Variants in DNAH1 observed in about 807,000 individuals in gnomAD.
DNAH1 encodes dynein axonemal heavy chain 1, also known as axonemal beta dynein heavy chain 1.
DNAH1 carries 327 observed loss-of-function variants against 484.3 expected under a neutral mutation model. The ratio of observed to expected loss-of-function variants is 0.68; its 90% CI spans 0.62 to 0.74. The LOEUF (loss-of-function observed/expected upper bound fraction) is 0.74. DNAH1 is among the 30% of genes least tolerant of loss of function. The pLI is 0.00. For missense variants in DNAH1, 5,052 were observed against 5,546.8 expected (o/e 0.91, Z 2.83); for synonymous variants, 2,192 against 2,191.9 (o/e 1.00, Z 0.00).
Position 52,362,973 on chromosome 3 carries a change from A to T in DNAH1, c.5095-22A>T, listed in dbSNP as rs777092794. On this transcript the variant is annotated intron_variant, in intron 31 of 77. Coordinates refer to ENST00000420323, the MANE Select transcript of DNAH1 (RefSeq NM_015512.5). The surrounding 1 kb of genome is among the most constrained non-coding windows in gnomAD (Gnocchi z 5.1). ...TGGGGGTGAGCTCTGTTTGCTGTTC[A>T]CATGTGCACTGTGTGTCCCAGGCGC... The T allele has an allele frequency of 3.3e-5, 53 of 1,613,130 alleles. No homozygotes were observed. The East Asian group carries it at 1.1e-3, about 33-fold the overall frequency.
Position 52,344,348 on chromosome 3 carries a change from C to T in DNAH1, c.1287-142C>T, listed in dbSNP as rs1008915099. ...CACTTGGAGGTTAGTGGCTCAGGGC[C>T]GGGTGGGGGTGTGCCCATGAATCCA... On this transcript the variant is annotated intron_variant, in intron 8 of 77. Coordinates refer to ENST00000420323, the MANE Select transcript of DNAH1 (RefSeq NM_015512.5). The T allele has an allele frequency of 2.4e-5, 24 of 986,038 alleles. No individual in the cohort carries two copies. The African/African-American group carries it at 2.5e-4, about 10-fold the overall frequency. The allele number at this position is 986,038 out of a possible 1,614,324, so 61.1% of individuals were successfully genotyped here.
At chr3:52,352,521 G>A in intron 17 of DNAH1, 31 bp from the exon 18 acceptor site, 1 of 1,594,608 alleles carries the variant, frequency 6.3e-7, no homozygotes, top group Middle Eastern at 1.7e-4. Context: ...GGGCTGCAGG[G>A]GCATCTGACC....
chr3:52,354,899 C>G lies in DNAH1; in HGVS notation c.3537C>G (p.Tyr1179Ter). Residue 1179 changes from tyrosine (Y) to a stop codon, truncating the protein, a stop_gained, in exon 21 of 78, where the codon TAC becomes TAG. Coordinates refer to ENST00000420323, the MANE Select transcript of DNAH1 (RefSeq NM_015512.5). LOFTEE classifies it high-confidence loss of function. Reference sequence around the variant, plus strand: ...CCATCCTGTTCAATGTACTGCCCTACAAGGCGACAGACACCTACATCCTGA... The same window carrying G: ...CCATCCTGTTCAATGTACTGCCCTAGAAGGCGACAGACACCTACATCCTGA... ...WSTILFNVLP[Y>*]KATDTYILKS... The G allele has an allele frequency of 6.2e-7, 1 of 1,614,024 alleles. No homozygotes were observed. The highest frequency in any genetic ancestry group is 1.1e-5 in the South Asian group (1 of 91,086).
At chr3:52,376,111 G>C (rs1424548089) in intron 46 of DNAH1, 118 bp downstream of exon 46, 1 of 1,309,496 alleles carries the variant, frequency 7.6e-7, no homozygotes, top group East Asian at 2.5e-5. Flanking sequence ...GTTCATGCAG[G>C]GACCTTGGGC....
rs1287185405 is a variant in DNAH1, at chr3:52,368,820, G to A, written c.5845G>A (p.Gly1949Arg). 14 of 1,613,900 alleles carry A rather than the reference G, an allele frequency of 8.7e-6. No homozygotes were observed. Among genetic ancestry groups the A allele is most frequent in the Non-Finnish European group, 1.2e-5 (14 of 1,179,908 alleles). The stretch of plus-strand genomic sequence containing the variant: ...CAACAAGAAGTGGTACATGTTCGAT[G>A]GGCCGGTGGATGCCATCTGGATTGA... ...DTNKKWYMFD[G>R]PVDAIWIENM... is the part of the protein sequence containing the mutation. Residue 1949 changes from glycine to arginine, a missense_variant, in exon 37 of 78, where the codon GGG becomes AGG. Coordinates refer to ENST00000420323, the MANE Select transcript of DNAH1 (RefSeq NM_015512.5). The surrounding 1 kb of genome is among the most constrained non-coding windows in gnomAD (Gnocchi z 4.4).
chr3:52,345,403 A>G (rs895858121), intron 9 of DNAH1, 92 bp from the exon 10 acceptor site: 19 of 1,070,960 alleles, frequency 1.8e-5, no homozygotes, highest in Non-Finnish European at 2.5e-5. Context: ...GGCAGGAGTC[A>G]TGGCCCTCCT....
intron 10 of DNAH1, 27 bp downstream of exon 10, chr3:52,345,733 GC>G: frequency 6.3e-7 from 1 of 1,596,628 alleles, no homozygotes; most frequent in Non-Finnish European, 8.5e-7. Context: ...GGCACAGGGG[GC>G]AAACGCAGGG....
In DNAH1 at chr3:52,326,775, C is replaced by T. The variant is rs1301780511; in HGVS notation, c.622C>T (p.Leu208=). ...CCTGAGCCTGGACATTGAGCAGTTGCTGTTCAGCCAGGGCATCGACTCCAA... is the reference window on the plus strand; with the variant it reads ...CCTGAGCCTGGACATTGAGCAGTTGTTGTTCAGCCAGGGCATCGACTCCAA... ...QYLSLDIEQL[L]FSQGIDSNKL... is the part of the protein sequence containing the mutation. The change falls in exon 5 of 78, where the codon CTG becomes TTG. Residue 208 remains leucine (L), a synonymous_variant. Coordinates refer to ENST00000420323, the MANE Select transcript of DNAH1 (RefSeq NM_015512.5). The T allele has an allele frequency of 2.5e-6, 4 of 1,613,828 alleles. No individual in the cohort carries two copies. The highest frequency in any genetic ancestry group is 3.4e-6 in the Non-Finnish European group (4 of 1,179,790).
chr3:52,384,049 G>A lies in DNAH1; in HGVS notation c.8322+18G>A, dbSNP rs1262943141. 2 of 1,581,968 alleles carry A rather than the reference G, an allele frequency of 1.3e-6. No homozygotes were observed. Among genetic ancestry groups the A allele is most frequent in the Non-Finnish European group, 1.7e-6 (2 of 1,162,062 alleles). On this transcript the variant is annotated intron_variant, in intron 52 of 77. Coordinates refer to ENST00000420323, the MANE Select transcript of DNAH1 (RefSeq NM_015512.5). ...AAGGACTGGTGGGTGTCTTGCTGAAGCTCAGGCCCTTGGGGAGACCTGTTT... is the reference window on the plus strand; with the variant it reads ...AAGGACTGGTGGGTGTCTTGCTGAAACTCAGGCCCTTGGGGAGACCTGTTT...
Position 52,331,253 on chromosome 3 carries a change from G to A in DNAH1, c.977G>A (p.Gly326Asp), listed in dbSNP as rs764561677. Reference protein sequence around the residue: ...LYLVHKTDEKGLVRDEMGRPI... With the variant: ...LYLVHKTDEKDLVRDEMGRPI... ...CTGGTACACAAGACAGACGAGAAAGGCCTGGTGCGAGATGAGATGGGGAGG... is the reference window on the plus strand; with the variant it reads ...CTGGTACACAAGACAGACGAGAAAGACCTGGTGCGAGATGAGATGGGGAGG... Residue 326 changes from glycine to aspartate, a missense_variant, in exon 7 of 78, where the codon GGC becomes GAC. Physicochemically the swap from Gly to Asp is moderately conservative, Grantham distance 94. This residue lies in a region of DNAH1 where 1,263 missense variants were observed against 1,218.8 expected (regional missense o/e 1.04). Coordinates refer to ENST00000420323, the MANE Select transcript of DNAH1 (RefSeq NM_015512.5). 1.2e-6 allele frequency: 2 copies of A among 1,611,550 alleles called. No homozygotes were observed. The highest frequency in any genetic ancestry group is 4.5e-5 in the East Asian group (2 of 44,840).
intron 41 of DNAH1, 25 bp downstream of exon 41, chr3:52,370,850 C>G (rs1203121378): frequency 1.3e-6 from 2 of 1,566,646 alleles, no homozygotes; most frequent in Non-Finnish European, 1.7e-6. Flanking sequence ...TCCCCAGAGA[C>G]TGCACAGGGA....
intron 22 of DNAH1, 109 bp downstream of exon 22, chr3:52,356,887 A>C: frequency 3.0e-6 from 4 of 1,331,686 alleles, no homozygotes; most frequent in Non-Finnish European, 4.1e-6. Flanking sequence ...GCTGGTGGAC[A>C]AGCCTGAGGA....
chr3:52,367,675 G>C (rs1703143845), intron 36 of DNAH1, among the ~76,000 whole-genome samples: 1 of 151,952 alleles, frequency 6.6e-6, no homozygotes, highest in African/African-American at 2.4e-5. Context: ...CCTTGTTCAA[G>C]CGATTCTCCT....
At chr3:52,374,743 A>G (rs1703509470) in intron 44 of DNAH1, 2 of 1,218,008 alleles carry the variant, frequency 1.6e-6, no homozygotes, top group African/African-American at 3.0e-5. Flanking sequence ...AACGCCCTGA[A>G]TCTGTTCATA....
chr3:52,321,638 T>A (rs1701151465), intron 1 of DNAH1: 1 of 152,212 alleles, frequency 6.6e-6, no homozygotes, highest in South Asian at 2.1e-4. Context: ...TATAAACCCT[T>A]GTCCTCCAGG....
At chr3:52,339,857 G>A (rs1222152840) in intron 8 of DNAH1, among the ~76,000 whole-genome samples, 1 of 151,688 alleles carries the variant, frequency 6.6e-6, no homozygotes, top group East Asian at 1.9e-4. Context: ...AGAGGGATGT[G>A]GGTCCTCCAA....
At chr3:52,388,711 C>T (rs1294005909) in intron 58 of DNAH1, 95 bp from the exon 59 acceptor site, 1 of 1,604,796 alleles carries the variant, frequency 6.2e-7, no homozygotes, top group Non-Finnish European at 8.5e-7. Flanking sequence ...GTCCACACCC[C>T]CTCCCTGGCA....
chr3:52,388,523 GC>G lies in DNAH1; in HGVS notation c.9278del (p.Ala3093ValfsTer15). 1 of 1,612,876 alleles carries G rather than the reference GC, an allele frequency of 6.2e-7. No individual in the cohort carries two copies. The highest frequency in any genetic ancestry group is 8.5e-7 in the Non-Finnish European group (1 of 1,179,512). On this transcript the variant is annotated frameshift_variant, in exon 58 of 78. Transcript: ENST00000420323. LOFTEE classifies it high-confidence loss of function. ...GGAGGACGGCATCGCCACAATGCAG[GC>G]TAAGTACCGGGAATGCATTACCAAG... ...EVEDGIATMQ[A>X]KYRECITKKE...
At chr3:52,374,057 C>G (rs1198982303) in intron 44 of DNAH1, 2 of 1,017,040 alleles carry the variant, frequency 2.0e-6, no homozygotes, top group Non-Finnish European at 3.1e-6. Flanking sequence ...TGTATTGCAG[C>G]TTTTAAAGCT....
Sources: gnomAD v4.1 joint callset for allele counts (sites outside exome capture counted in the v4.1 genomes callset) on GRCh38, gnomAD v4.1.1 for gene constraint, gnomAD v4.1.1 regional missense constraint, Gnocchi (gnomAD v3.1) non-coding constraint, MANE v1.5 for transcripts, NCBI Gene and HGNC (gene_info 2026-07-23, HGNC 2026-07-21) for gene names.